TLK1: variants seen among roughly 807,000 people sequenced by gnomAD.
The protein encoded by TLK1 is serine/threonine-protein kinase tousled-like 1.
In TLK1, 24 loss-of-function variants were observed where a neutral mutation model predicts 105.3. The observed-to-expected ratio is 0.23, with a 90% confidence interval of 0.17 to 0.32. The LOEUF (loss-of-function observed/expected upper bound fraction) is 0.32, where lower values mean the gene tolerates loss of function less well. TLK1 is among the 10% of genes least tolerant of loss of function. The pLI is 1.00. For synonymous variants in TLK1, 321 were observed against 310.4 expected, an observed-to-expected ratio of 1.03 and a Z score of -0.36; for missense variants, 558 against 910.5, an observed-to-expected ratio of 0.61 and a Z score of 4.98.
intron 1 of TLK1, among the ~76,000 whole-genome samples, chr2:171,182,922 CAA>C (rs756752409): frequency 7.2e-4 from 44 of 61,384 alleles, no homozygotes; most frequent in Admixed American, 1.1e-3. Flanking sequence ...ACCCTGACTC[CAA>C]AAAAAAAAAA....
chr2:171,024,878 A>G (rs1400561177), intron 12 of TLK1, among the ~76,000 whole-genome samples: 4 of 152,238 alleles, frequency 2.6e-5, no homozygotes, highest in African/African-American at 9.6e-5. Flanking sequence ...GTCACTTAAT[A>G]AATGGGTGAG....
intron 1 of TLK1, among the ~76,000 whole-genome samples, chr2:171,202,461 A>C (rs547672234): frequency 1.3e-5 from 2 of 151,930 alleles, no homozygotes; most frequent in African/African-American, 4.8e-5. Context: ...TCAAAAAAAA[A>C]AAAGAATTTC....
intron 1 of TLK1, among the ~76,000 whole-genome samples, chr2:171,142,146 T>A (rs1394341800): frequency 2.1e-5 from 3 of 143,604 alleles, no homozygotes; most frequent in Non-Finnish European, 4.6e-5. Context: ...AAAACAAATT[T>A]AAAAAAAGAT....
chr2:171,136,702 C>T (rs927121833), intron 1 of TLK1, among the ~76,000 whole-genome samples: 3 of 152,166 alleles, frequency 2.0e-5, no homozygotes, highest in Admixed American at 6.5e-5. Flanking sequence ...TGGTCCTTGA[C>T]TTTTCTTGAT....
chr2:171,099,263 C>T (rs1435943093), intron 2 of TLK1, among the ~76,000 whole-genome samples: 2 of 151,938 alleles, frequency 1.3e-5, no homozygotes, highest in African/African-American at 4.8e-5. Flanking sequence ...ATTTACAATA[C>T]TATCAAAAAA....
intron 12 of TLK1, among the ~76,000 whole-genome samples, chr2:171,019,846 T>C (rs1336155961): frequency 1.3e-5 from 2 of 151,968 alleles, no homozygotes; most frequent in African/African-American, 4.8e-5. Flanking sequence ...TCACCTGAGG[T>C]CAGGAGTTCG....
At chr2:171,174,601 T>C (rs1211749894) in intron 1 of TLK1, among the ~76,000 whole-genome samples, 1 of 152,180 alleles carries the variant, frequency 6.6e-6, no homozygotes, top group African/African-American at 2.4e-5. Flanking sequence ...TTTAGAATTA[T>C]TTTTTGCATG....
At chr2:171,020,852 GAA>G (rs1324875953) in intron 12 of TLK1, among the ~76,000 whole-genome samples, 1 of 148,008 alleles carries the variant, frequency 6.8e-6, no homozygotes, top group Non-Finnish European at 1.5e-5. Context: ...AGGAGAAGGA[GAA>G]AAGATAAAAA....
chr2:171,054,791 A>G (rs1034094808), intron 7 of TLK1: 1 of 201,752 alleles, frequency 5.0e-6, no homozygotes, highest in Admixed American at 5.9e-5. Context: ...CTTCTAAAAA[A>G]TACAGCAGTT....
chr2:171,225,485 A>T (rs1292267924), intron 1 of TLK1, among the ~76,000 whole-genome samples: 1 of 152,180 alleles, frequency 6.6e-6, no homozygotes, highest in Non-Finnish European at 1.5e-5. Flanking sequence ...GTCAGCAAGG[A>T]TGTGGAGAAG....
chr2:171,023,057 T>C (rs1000715847), intron 12 of TLK1: 1 of 471,134 alleles, frequency 2.1e-6, no homozygotes, highest in Non-Finnish European at 4.4e-6. Flanking sequence ...TTACTGGTTG[T>C]TTCTCTTTGC....
In TLK1 at chr2:171,148,409, C is replaced by T. The variant is rs560969380; in HGVS notation, c.139+11881G>A. On this transcript the variant is annotated intron_variant, in intron 1 of 20. Coordinates refer to ENST00000431350, the MANE Select transcript of TLK1 (RefSeq NM_012290.5). ...CCTTTTTTCAATCACTTCTCATCTG[C>T]GTGACTTTGGGCATGCTGTTTGTCA... Among the ~76,000 whole-genome samples the T allele has an allele frequency of 6.0e-5, 9 of 148,872 alleles. 1 individual carries two copies. The highest frequency in any genetic ancestry group is 4.7e-4 in the Admixed American group (7 of 14,766).
At chr2:171,230,772 G>C (rs149937484) in intron 1 of TLK1, among the ~76,000 whole-genome samples, 3 of 152,192 alleles carry the variant, frequency 2.0e-5, no homozygotes, top group African/African-American at 7.2e-5. Context: ...TTCTGGGCTT[G>C]ATGTCAGAAC....
At chr2:171,183,643 T>C (rs1057145789) in intron 1 of TLK1, among the ~76,000 whole-genome samples, 2 of 152,200 alleles carry the variant, frequency 1.3e-5, no homozygotes, top group Non-Finnish European at 2.9e-5. Flanking sequence ...TTGCTTGTCT[T>C]TCATTGTATG....
intron 2 of TLK1, among the ~76,000 whole-genome samples, chr2:171,086,429 C>T (rs1303118791): frequency 6.6e-6 from 1 of 152,000 alleles, no homozygotes; most frequent in Non-Finnish European, 1.5e-5. Flanking sequence ...AGTTCAAAAC[C>T]AGCCTGGCCA....
intron 3 of TLK1, among the ~76,000 whole-genome samples, chr2:171,078,323 A>G (rs995568524): frequency 1.2e-4 from 19 of 152,144 alleles, no homozygotes; most frequent in African/African-American, 4.3e-4. Flanking sequence ...GCAGATTATG[A>G]GGTCAGGAGT....
chr2:171,133,860 T>C (rs1294145391), intron 1 of TLK1, among the ~76,000 whole-genome samples: 1 of 151,988 alleles, frequency 6.6e-6, no homozygotes, highest in Non-Finnish European at 1.5e-5. Flanking sequence ...TACATTGTGA[T>C]GGTGTCAGGG....
intron 2 of TLK1, among the ~76,000 whole-genome samples, chr2:171,114,666 C>CACTACTAA (rs1299763696): frequency 6.6e-6 from 1 of 152,118 alleles, no homozygotes; most frequent in Non-Finnish European, 1.5e-5. Context: ...GAAACCTCTT[C>CACTACTAA]ACTACTAAAA....
chr2:171,123,855 G>T (rs1690762588), intron 1 of TLK1, among the ~76,000 whole-genome samples: 1 of 152,112 alleles, frequency 6.6e-6, no homozygotes, highest in Non-Finnish European at 1.5e-5. Flanking sequence ...TAATGAGACT[G>T]TATGTATTTG....
Sources: allele counts gnomAD v4.1 joint callset (sites outside exome capture counted in the v4.1 genomes callset), GRCh38; gene constraint gnomAD v4.1.1; transcripts MANE v1.5; gene names NCBI Gene and HGNC (gene_info 2026-07-23, HGNC 2026-07-21).